PPP1R9A: variants seen among roughly 807,000 people sequenced by gnomAD.
PPP1R9A encodes the protein protein phosphatase 1 regulatory subunit 9A.
In PPP1R9A, 59 loss-of-function variants were observed where a neutral mutation model predicts 141.9. The observed-to-expected ratio is 0.42, with a 90% CI of 0.34 to 0.52. The LOEUF (loss-of-function observed/expected upper bound fraction) is 0.52, where lower values mean the gene tolerates loss of function less well. Among genes scored for constraint, PPP1R9A ranks in the 20% least tolerant of loss-of-function variants. PPP1R9A has a pLI of 0.10. For synonymous variants in PPP1R9A, 500 were observed against 569.7 expected (o/e 0.88, Z 1.74); for missense variants, 1,444 against 1,611.9 (o/e 0.90, Z 1.78).
intron 8 of PPP1R9A, among the ~76,000 whole-genome samples, chr7:95,226,942 A>G (rs972104890): frequency 4.6e-5 from 7 of 152,180 alleles, no homozygotes; most frequent in African/African-American, 1.4e-4. Context: ...TCTATCCTTC[A>G]TTGTTTTGGA....
chr7:95,196,268 T>C (rs961770586), intron 5 of PPP1R9A, among the ~76,000 whole-genome samples: 2 of 152,128 alleles, frequency 1.3e-5, no homozygotes, highest in African/African-American at 4.8e-5. Context: ...ATTAAAAACA[T>C]TATGAAATAC....
At position 95,255,014 on chromosome 7, in the gene PPP1R9A, G is replaced by A. The variant is rs139859007; in HGVS notation, c.2665+2884G>A. Among the ~76,000 whole-genome samples, 1,076 of 151,900 alleles carry A rather than the reference G, an allele frequency of 7.1e-3. 27 individuals are homozygous for A. The highest frequency in any genetic ancestry group is 0.04 in the Admixed American group (604 of 15,256). ...CTTATCATGATTACATAAAGCAGAC[G>A]TAACAAATTTTTTTCCACCAAGAGC... On this transcript the variant is annotated intron_variant, in intron 12 of 19. Transcript: ENST00000433360.
chr7:95,068,473 GAAAAAAAA>G (rs36043693), intron 2 of PPP1R9A, among the ~76,000 whole-genome samples: 42 of 94,238 alleles, frequency 4.5e-4, no homozygotes, highest in Middle Eastern at 0.011. Flanking sequence ...CTTGTCTCAA[GAAAAAAAA>G]AAAAAAAAAA....
At chr7:94,935,146 T>TG (rs1794632649) in intron 2 of PPP1R9A, among the ~76,000 whole-genome samples, 1 of 152,234 alleles carries the variant, frequency 6.6e-6, no homozygotes, top group Non-Finnish European at 1.5e-5. Flanking sequence ...ATGTACATTG[T>TG]GTTTTCATAC....
At chr7:95,271,434 G>A (rs895183277) in intron 14 of PPP1R9A, among the ~76,000 whole-genome samples, 5 of 152,120 alleles carry the variant, frequency 3.3e-5, no homozygotes, top group African/African-American at 7.2e-5. Flanking sequence ...AGAAAGTGAG[G>A]CAAAACTATC....
At chr7:94,955,175 AG>A (rs2151072685) in intron 2 of PPP1R9A, among the ~76,000 whole-genome samples, 1 of 152,102 alleles carries the variant, frequency 6.6e-6, no homozygotes, top group South Asian at 2.1e-4. Context: ...CTTTTAATAA[AG>A]GATTATTAAG....
intron 2 of PPP1R9A, among the ~76,000 whole-genome samples, chr7:94,920,858 A>T (rs1490552219): frequency 6.6e-6 from 1 of 152,106 alleles, no homozygotes; most frequent in Non-Finnish European, 1.5e-5. Flanking sequence ...ACCCTATGAA[A>T]CTGAGTGACC....
chr7:95,050,039 T>C (rs1388964650), intron 2 of PPP1R9A, among the ~76,000 whole-genome samples: 1 of 152,186 alleles, frequency 6.6e-6, no homozygotes, highest in Admixed American at 6.5e-5. Flanking sequence ...ATTGCTGGAT[T>C]GTATGGTTAG....
Position 95,204,545 on chromosome 7 carries a change from A to T in PPP1R9A, c.1956+815A>T, listed in dbSNP as rs528325623. 1.2e-4 allele frequency among the ~76,000 whole-genome samples: 18 copies of T among 152,192 alleles called. No homozygotes were observed. In the East Asian group the frequency reaches 3.1e-3, roughly 26 times the overall value. On this transcript the variant is annotated intron_variant, in intron 7 of 19. Coordinates refer to ENST00000433360, the MANE Select transcript of PPP1R9A (RefSeq NM_001166160.2). ...AGGTGCTTGGAAAACATTCCGTTTA[A>T]GACCCTATCCATATGTGCACTGGCC... is the stretch of plus-strand genomic sequence containing the variant.
intron 2 of PPP1R9A, among the ~76,000 whole-genome samples, chr7:94,956,599 A>G (rs1464697775): frequency 6.6e-6 from 1 of 152,024 alleles, no homozygotes; most frequent in Non-Finnish European, 1.5e-5. Flanking sequence ...TGAGGTAGGA[A>G]GATAGCTTGA....
chr7:95,151,201 A>G (rs1407807594), intron 4 of PPP1R9A, among the ~76,000 whole-genome samples: 5 of 152,234 alleles, frequency 3.3e-5, no homozygotes, highest in South Asian at 2.1e-4. Flanking sequence ...AGTTTTATTT[A>G]TAACTACTCC....
In PPP1R9A at chr7:94,910,249, A is replaced by G. The variant is rs768880629; in HGVS notation, c.136A>G (p.Lys46Glu). Residue 46 changes from lysine (K) to glutamate (E), a missense_variant, in exon 2 of 20, where the codon AAA becomes GAA. Lys to Glu is a moderately conservative substitution (Grantham distance 56, BLOSUM62 1). Around this residue, in one of 5 missense-constraint regions of PPP1R9A, gnomAD observed 490 missense variants for 521.1 expected, o/e 0.94. Coordinates refer to ENST00000433360, the MANE Select transcript of PPP1R9A (RefSeq NM_001166160.2). The surrounding 1 kb of genome is among the most constrained non-coding windows in gnomAD (Gnocchi z 4.5). ...KPKSDGEQKT[K>E]EGEGSQQSRG... ...CAAGTCAGATGGGGAACAAAAAACA[A>G]AAGAAGGTGAGGGCTCCCAGCAGAG... 1.9e-6 allele frequency: 3 copies of G among 1,614,136 alleles called. No individual in the cohort carries two copies. The highest frequency in any genetic ancestry group is 3.3e-5 in the Admixed American group (2 of 60,022).
Position 94,943,427 on chromosome 7 carries a change from C to G in PPP1R9A, c.1395+31919C>G, listed in dbSNP as rs574752489. On this transcript the variant is annotated intron_variant, in intron 2 of 19. Transcript: ENST00000433360. Reference sequence around the variant, plus strand: ...TTTCCTAGCTTGTGCCATTTAAGCTCTGTAGAAATGTTTATCAGTGAATGA... The same window carrying G: ...TTTCCTAGCTTGTGCCATTTAAGCTGTGTAGAAATGTTTATCAGTGAATGA... Among the ~76,000 whole-genome samples the G allele has an allele frequency of 3.9e-4, 60 of 152,144 alleles. 1 individual carries two copies. The highest frequency in any genetic ancestry group is 2.2e-3 in the Admixed American group (34 of 15,272).
intron 7 of PPP1R9A, among the ~76,000 whole-genome samples, chr7:95,219,586 C>T (rs1031024592): frequency 2.6e-5 from 4 of 151,994 alleles, no homozygotes; most frequent in East Asian, 1.9e-4. Context: ...TTCCATTCTC[C>T]CTGTCACTTT....
At position 94,910,064 on chromosome 7, in the gene PPP1R9A, T is replaced by C; in HGVS notation, c.-50T>C. The C allele has an allele frequency of 7.2e-6, 11 of 1,529,194 alleles. No individual in the cohort carries two copies. The highest frequency in any genetic ancestry group is 9.7e-6 in the Non-Finnish European group (11 of 1,136,666). The allele number at this position is 1,529,194 out of a possible 1,614,324, so 94.7% of individuals were successfully genotyped here. ...AGAAGAGAGGTATCTTGGTTTTTGGTTTTTTTCTTTGATCATTATGAACAT... is the reference window on the plus strand; with the variant it reads ...AGAAGAGAGGTATCTTGGTTTTTGGCTTTTTTCTTTGATCATTATGAACAT... On this transcript the variant is annotated 5_prime_UTR_variant, in exon 2 of 20. Transcript: ENST00000433360. This position sits in a 1 kb window ranked among gnomAD's most constrained non-coding sequence, Gnocchi z 4.5.
intron 2 of PPP1R9A, among the ~76,000 whole-genome samples, chr7:94,937,434 A>T (rs150700152): frequency 6.6e-6 from 1 of 152,164 alleles, no homozygotes; most frequent in Non-Finnish European, 1.5e-5. Flanking sequence ...TCAATATCCA[A>T]TGTTTTAATT....
rs563254925 is a variant in PPP1R9A, at chr7:95,256,174, A to G, written c.2665+4044A>G. 2.6e-5 allele frequency among the ~76,000 whole-genome samples: 4 copies of G among 151,088 alleles called. No individual in the cohort carries two copies. In the South Asian group the frequency reaches 8.4e-4, roughly 32 times the overall value. The stretch of plus-strand genomic sequence containing the variant: ...AAAAATATACTCCAGCCTGAGTGAT[A>G]GAGCAAGATCCTGTCTCAAAAAAAA... On this transcript the variant is annotated intron_variant, in intron 12 of 19. Transcript: ENST00000433360.
At chr7:95,174,900 C>T (rs1832678047) in intron 5 of PPP1R9A, 1 of 152,086 alleles carries the variant, frequency 6.6e-6, no homozygotes, top group Admixed American at 6.6e-5. Context: ...TGTTGTGTAA[C>T]ATATTACTAT....
At chr7:95,054,684 A>G (rs1811276562) in intron 2 of PPP1R9A, among the ~76,000 whole-genome samples, 1 of 151,986 alleles carries the variant, frequency 6.6e-6, no homozygotes, top group African/African-American at 2.4e-5. Context: ...TCCATCTTCC[A>G]CATCTGACCT....
Sources: gnomAD v4.1 joint callset for allele counts (sites outside exome capture counted in the v4.1 genomes callset) on GRCh38, gnomAD v4.1.1 for gene constraint, gnomAD v4.1.1 regional missense constraint, Gnocchi (gnomAD v3.1) non-coding constraint, MANE v1.5 for transcripts, NCBI Gene and HGNC (gene_info 2026-07-23, HGNC 2026-07-21) for gene names.